RAB7A: variants seen among roughly 807,000 people sequenced by gnomAD.
RAB7A encodes ras-related protein Rab-7a.
In RAB7A, 2 loss-of-function variants were observed where a neutral mutation model predicts 24.5. That is an observed-to-expected ratio of 0.08 (90% CI 0.03 to 0.26). RAB7A has a LOEUF of 0.26. Ranked by LOEUF, RAB7A falls within the 10% of genes least tolerant of loss-of-function variation. RAB7A has a pLI of 1.00. For missense variants in RAB7A, 118 were observed against 255.7 expected, an observed-to-expected ratio of 0.46 and a Z score of 3.67; for synonymous variants, 100 against 95.9, an observed-to-expected ratio of 1.04 and a Z score of -0.25.
chr3:128,785,144 G>A (rs966816442), intron 1 of RAB7A: 1 of 151,916 alleles, frequency 6.6e-6, no homozygotes, highest in Admixed American at 6.6e-5. Context: ...TTACATTTTT[G>A]CATCTGGGCA....
rs1933980384 is a variant in RAB7A, at chr3:128,813,744, G to A, written c.*322G>A. 2 of 403,784 alleles carry A rather than the reference G, an allele frequency of 5.0e-6. No homozygotes were observed. Among genetic ancestry groups the A allele is most frequent in the East Asian group, 1.1e-4 (2 of 17,936 alleles). The allele number at this position is 403,784 out of a possible 1,614,324, so 25.0% of individuals were successfully genotyped here. On this transcript the variant is annotated 3_prime_UTR_variant, in exon 6 of 6. Transcript: ENST00000265062. Reference sequence around the variant, plus strand: ...GCGGTGGAAGTCATTCTGATATGGAGTTGGCATTGGAAGCTTATTCTTTTT... The same window carrying A: ...GCGGTGGAAGTCATTCTGATATGGAATTGGCATTGGAAGCTTATTCTTTTT...
At chr3:128,783,178 G>A (rs926831436) in intron 1 of RAB7A, among the ~76,000 whole-genome samples, 1 of 152,004 alleles carries the variant, frequency 6.6e-6, no homozygotes, top group Non-Finnish European at 1.5e-5. Context: ...ATGAAGGAGA[G>A]AATACCTTCA....
chr3:128,744,664 A>G (rs948594978), intron 1 of RAB7A, among the ~76,000 whole-genome samples: 1 of 152,132 alleles, frequency 6.6e-6, no homozygotes, highest in Non-Finnish European at 1.5e-5. Flanking sequence ...TCCTTATCCT[A>G]TTGTGGACCT....
At chr3:128,789,785 TC>T (rs976932756) in intron 1 of RAB7A, among the ~76,000 whole-genome samples, 4 of 150,988 alleles carry the variant, frequency 2.6e-5, no homozygotes, top group African/African-American at 9.7e-5. Flanking sequence ...TGTGTTTTGT[TC>T]CTGGCTTTTT....
intron 3 of RAB7A, 84 bp from the exon 4 acceptor site, chr3:128,806,288 T>G: frequency 1.5e-6 from 2 of 1,299,086 alleles, no homozygotes; most frequent in Admixed American, 4.2e-5. Flanking sequence ...CAATCTAGCC[T>G]ATTTCTTCTG....
At chr3:128,809,561 CTG>C (rs1576304950) in intron 5 of RAB7A, among the ~76,000 whole-genome samples, 4 of 152,200 alleles carry the variant, frequency 2.6e-5, no homozygotes, top group African/African-American at 7.2e-5. Flanking sequence ...TTTTCCAACT[CTG>C]TGGTCTTTTT....
chr3:128,759,798 T>C (rs573408252), intron 1 of RAB7A, among the ~76,000 whole-genome samples: 4 of 152,122 alleles, frequency 2.6e-5, no homozygotes, highest in Non-Finnish European at 2.9e-5. Flanking sequence ...CAACCTCCGC[T>C]TCCTGGGTTC....
At chr3:128,761,108 C>A (rs2070772869) in intron 1 of RAB7A, among the ~76,000 whole-genome samples, 1 of 152,206 alleles carries the variant, frequency 6.6e-6, no homozygotes, top group East Asian at 1.9e-4. Context: ...CACAGCTGTT[C>A]TTGAGGTTTC....
At position 128,806,466 on chromosome 3, in the gene RAB7A, C is replaced by G. The variant is rs925560872; in HGVS notation, c.275C>G (p.Ala92Gly). The G allele has an allele frequency of 6.2e-7, 1 of 1,613,872 alleles. No individual in the cohort carries two copies. Among genetic ancestry groups the G allele is most frequent in the Non-Finnish European group, 8.5e-7 (1 of 1,179,954 alleles). The stretch of plus-strand genomic sequence containing the variant: ...TGCGTTCTGGTATTTGATGTGACTG[C>G]CCCCAACACATTCAAAACCCTAGAT... ...DCCVLVFDVT[A>G]PNTFKTLDSW... Residue 92 changes from alanine (A) to glycine (G), a missense_variant, in exon 4 of 6, where the codon GCC (alanine) becomes GGC (glycine). By Grantham distance (60) the Ala-to-Gly change is moderately conservative. Coordinates refer to ENST00000265062, the MANE Select transcript of RAB7A (RefSeq NM_004637.6).
At chr3:128,759,243 CTG>C (rs777755250) in intron 1 of RAB7A, among the ~76,000 whole-genome samples, 12 of 152,174 alleles carry the variant, frequency 7.9e-5, no homozygotes, top group Non-Finnish European at 1.8e-4. Flanking sequence ...ATTAAGTAAA[CTG>C]TGTATTAGCT....
intron 5 of RAB7A, among the ~76,000 whole-genome samples, chr3:128,812,760 C>T (rs1175446586): frequency 6.6e-6 from 1 of 152,184 alleles, no homozygotes; most frequent in Admixed American, 6.5e-5. Flanking sequence ...CAAAACTCTG[C>T]TAAACCTTTG....
At position 128,798,030 on chromosome 3, in the gene RAB7A, C is replaced by T; in HGVS notation, c.141C>T (p.Thr47=). The T allele has an allele frequency of 1.9e-6, 3 of 1,613,970 alleles. No homozygotes were observed. Among genetic ancestry groups the T allele is most frequent in the Non-Finnish European group, 2.5e-6 (3 of 1,179,954 alleles). Residue 47 remains threonine, a synonymous_variant, in exon 3 of 6, where the codon ACC becomes ACT. Transcript: ENST00000265062. ...CCACAATAGGAGCTGACTTTCTGAC[C>T]AAGGAGGTGATGGTGGATGACAGGC... ...YKATIGADFL[T]KEVMVDDRLV...
At chr3:128,791,133 C>T (rs1231580012) in intron 1 of RAB7A, among the ~76,000 whole-genome samples, 1 of 151,514 alleles carries the variant, frequency 6.6e-6, no homozygotes, top group Non-Finnish European at 1.5e-5. Flanking sequence ...ATGAAAACTT[C>T]TTCATGTTTT....
intron 3 of RAB7A, among the ~76,000 whole-genome samples, 187 bp from the exon 4 acceptor site, chr3:128,806,185 T>G (rs1274109411): frequency 6.6e-6 from 1 of 152,230 alleles, no homozygotes; most frequent in African/African-American, 2.4e-5. Context: ...GACACATACT[T>G]AATCACAATA....
chr3:128,807,765 C>T lies in RAB7A; in HGVS notation c.528+94C>T, dbSNP rs73198865. ...TCCTGCCCTTAATCTTCTTCCCTAA[C>T]CCACTCTTTTCTGTATAGCCAGAAT... On this transcript the variant is annotated intron_variant, in intron 5 of 5. Coordinates refer to ENST00000265062, the MANE Select transcript of RAB7A (RefSeq NM_004637.6). 7.4e-4 allele frequency: 1,152 copies of T among 1,560,522 alleles called. 2 individuals are homozygous for T. The highest frequency in any genetic ancestry group is 9.3e-4 in the Non-Finnish European group (1,061 of 1,135,752).
At chr3:128,771,151 G>A (rs1433405134) in intron 1 of RAB7A, among the ~76,000 whole-genome samples, 3 of 152,178 alleles carry the variant, frequency 2.0e-5, no homozygotes, top group East Asian at 1.9e-4. Context: ...TGTATTTCTG[G>A]TAGAGACGGG....
At chr3:128,755,030 AC>A (rs2070717902) in intron 1 of RAB7A, among the ~76,000 whole-genome samples, 1 of 152,194 alleles carries the variant, frequency 6.6e-6, no homozygotes, top group African/African-American at 2.4e-5. Context: ...ACAGACATAC[AC>A]GGGGCATTCT....
At chr3:128,733,956 C>G (rs554910599) in intron 1 of RAB7A, among the ~76,000 whole-genome samples, 1 of 152,260 alleles carries the variant, frequency 6.6e-6, no homozygotes, top group South Asian at 2.1e-4. Flanking sequence ...GCACTTGTAA[C>G]TTTTTCTCTC....
intron 1 of RAB7A, among the ~76,000 whole-genome samples, chr3:128,746,313 C>T (rs1477944854): frequency 6.6e-6 from 1 of 152,020 alleles, no homozygotes; most frequent in Non-Finnish European, 1.5e-5. Flanking sequence ...TGCTGTGTTA[C>T]CCAGGCTAGA....
Sources: allele counts gnomAD v4.1 joint callset (sites outside exome capture counted in the v4.1 genomes callset), GRCh38; gene constraint gnomAD v4.1.1; transcripts MANE v1.5; gene names NCBI Gene and HGNC (gene_info 2026-07-23, HGNC 2026-07-21).